Variants in WWOX observed in about 807,000 individuals in gnomAD.
WWOX encodes WW domain containing oxidoreductase, also known as WW domain-containing oxidoreductase.
A neutral mutation model predicts 46.2 loss-of-function variants in WWOX; 69 were observed. That is an observed-to-expected ratio of 1.49 (90% CI 1.23 to 1.82). WWOX has a LOEUF of 1.82. WWOX is among the 40% of genes most tolerant of loss of function. The probability of loss-of-function intolerance (pLI) is 0.00; values close to 1 mark genes in which losing one functional copy is unlikely to be tolerated. For missense variants in WWOX, 919 were observed against 542.6 expected (o/e 1.69, Z -6.89); for synonymous variants, 359 against 202.6 (o/e 1.77, Z -6.56).
intron 8 of WWOX, among the ~76,000 whole-genome samples, chr16:78,871,793 G>A (rs1331190213): frequency 6.6e-6 from 1 of 152,102 alleles, no homozygotes; most frequent in Non-Finnish European, 1.5e-5. Context: ...TAGTAGAGAG[G>A]GGTTTCACCA....
At chr16:79,080,494 T>C (rs2048740726) in intron 8 of WWOX, among the ~76,000 whole-genome samples, 1 of 152,202 alleles carries the variant, frequency 6.6e-6, no homozygotes, top group Non-Finnish European at 1.5e-5. Context: ...CTGTTTATAC[T>C]CCTCTTTGCA....
Position 78,099,763 on chromosome 16 carries a change from G to C in WWOX, c.-16G>C, listed in dbSNP as rs368929558. On this transcript the variant is annotated 5_prime_UTR_variant, in exon 1 of 9. Transcript: ENST00000566780. ...GCAGCGGGCGATAGGGGGGCCAGGT[G>C]CCTCCACAGTCAGCCATGGCAGCGC... 1.3e-6 allele frequency: 2 copies of C among 1,533,910 alleles called. No individual in the cohort carries two copies. Among genetic ancestry groups the C allele is most frequent in the Non-Finnish European group, 8.8e-7 (1 of 1,140,654 alleles).
At chr16:79,115,525 C>T (rs1468531097) in intron 8 of WWOX, among the ~76,000 whole-genome samples, 1 of 152,150 alleles carries the variant, frequency 6.6e-6, no homozygotes, top group Non-Finnish European at 1.5e-5. Context: ...CTGGGAGAAA[C>T]CATCAGTTAT....
chr16:78,946,452 G>C (rs1156388631), intron 8 of WWOX, among the ~76,000 whole-genome samples: 2 of 152,092 alleles, frequency 1.3e-5, no homozygotes, highest in East Asian at 3.9e-4. Flanking sequence ...CGGCCTCCCA[G>C]AGTGCTAGGA....
At chr16:78,971,066 T>C (rs1368113223) in intron 8 of WWOX, among the ~76,000 whole-genome samples, 1 of 152,004 alleles carries the variant, frequency 6.6e-6, no homozygotes, top group African/African-American at 2.4e-5. Context: ...TATATATATA[T>C]GTATACATAT....
intron 8 of WWOX, among the ~76,000 whole-genome samples, chr16:78,819,535 G>A (rs983811315): frequency 4.6e-5 from 7 of 152,220 alleles, no homozygotes; most frequent in East Asian, 3.8e-4. Flanking sequence ...GGGTGTAAAT[G>A]TGATGGCAGA....
chr16:78,859,139 G>A (rs573886364), intron 8 of WWOX, among the ~76,000 whole-genome samples: 59 of 145,082 alleles, frequency 4.1e-4, no homozygotes, highest in Admixed American at 9.1e-4. Context: ...TGATGTTCTC[G>A]GGGTAATCTG....
chr16:78,352,855 C>T (rs62033391), intron 5 of WWOX, among the ~76,000 whole-genome samples: 10,120 of 151,984 alleles, frequency 0.067, 378 homozygotes, highest in Middle Eastern at 0.12. Context: ...TCTGGATTGG[C>T]GGTTGATTGA....
At chr16:79,081,165 C>A (rs542088550) in intron 8 of WWOX, among the ~76,000 whole-genome samples, 2 of 152,028 alleles carry the variant, frequency 1.3e-5, no homozygotes, top group African/African-American at 2.4e-5. Flanking sequence ...GCTGAGAGAA[C>A]AAGTCTATGT....
chr16:78,686,186 C>G (rs140789137), intron 8 of WWOX, among the ~76,000 whole-genome samples: 2 of 152,278 alleles, frequency 1.3e-5, no homozygotes, highest in African/African-American at 4.8e-5. Flanking sequence ...CAAAGTGTGG[C>G]TCCCAGGCCA....
chr16:78,516,715 CCTTA>C (rs1194405864), intron 8 of WWOX, among the ~76,000 whole-genome samples: 1 of 152,124 alleles, frequency 6.6e-6, no homozygotes, highest in East Asian at 1.9e-4. Context: ...CTGAAATGAT[CCTTA>C]CTTAGCATAA....
At chr16:78,319,091 A>G (rs753566243) in intron 5 of WWOX, among the ~76,000 whole-genome samples, 1 of 151,974 alleles carries the variant, frequency 6.6e-6, no homozygotes. Context: ...TAAAAGGGGG[A>G]GAGAGAGTCG....
chr16:78,542,688 A>G (rs1478128004), intron 8 of WWOX, among the ~76,000 whole-genome samples: 1 of 152,250 alleles, frequency 6.6e-6, no homozygotes, highest in African/African-American at 2.4e-5. Context: ...AGAAACACAT[A>G]TTAAATAGAC....
intron 8 of WWOX, among the ~76,000 whole-genome samples, chr16:78,838,098 T>C (rs1237693943): frequency 6.6e-6 from 1 of 152,142 alleles, no homozygotes; most frequent in Non-Finnish European, 1.5e-5. Flanking sequence ...TCTGGGGTTG[T>C]GGGGAAGGCT....
At chr16:78,912,624 T>C (rs1363272118) in intron 8 of WWOX, among the ~76,000 whole-genome samples, 1 of 152,012 alleles carries the variant, frequency 6.6e-6, no homozygotes, top group Middle Eastern at 3.2e-3. Context: ...CCTTGTAGAA[T>C]TTCATTTCTT....
chr16:78,981,145 C>A (rs773502672), intron 8 of WWOX, among the ~76,000 whole-genome samples: 5 of 152,162 alleles, frequency 3.3e-5, no homozygotes, highest in East Asian at 1.9e-4. Context: ...CTGGGAGGAC[C>A]GTTGTACTGC....
rs77802682 is a variant in WWOX at position 79,036,853 on chromosome 16, A to G, written c.1057-174755A>G. Reference sequence around the variant, plus strand: ...TGTTAGCATCAGGTATTTTAGACACATGAAGAGAGGATCAGATTCAGTGGA... The same window carrying G: ...TGTTAGCATCAGGTATTTTAGACACGTGAAGAGAGGATCAGATTCAGTGGA... On this transcript the variant is annotated intron_variant, in intron 8 of 8. Coordinates refer to ENST00000566780, the MANE Select transcript of WWOX (RefSeq NM_016373.4). Among the ~76,000 whole-genome samples, 473 of 152,336 alleles carry G rather than the reference A, an allele frequency of 3.1e-3. 3 individuals carry two copies. The highest frequency in any genetic ancestry group is 0.011 in the African/African-American group (449 of 41,580).
intron 8 of WWOX, chr16:78,780,483 G>T (rs1368838587): frequency 6.6e-6 from 1 of 152,204 alleles, no homozygotes; most frequent in Non-Finnish European, 1.5e-5. Context: ...CAGGACTTCC[G>T]TGATGCGGGG....
chr16:78,547,773 C>G (rs1426980548), intron 8 of WWOX, among the ~76,000 whole-genome samples: 1 of 152,064 alleles, frequency 6.6e-6, no homozygotes, highest in African/African-American at 2.4e-5. Context: ...CTTTTAAGCC[C>G]TTAACCCATT....
Sources: gnomAD v4.1 joint callset for allele counts (sites outside exome capture counted in the v4.1 genomes callset) on GRCh38, gnomAD v4.1.1 for gene constraint, MANE v1.5 for transcripts, NCBI Gene and HGNC (gene_info 2026-07-23, HGNC 2026-07-21) for gene names.